FHIT: variants seen among roughly 807,000 people sequenced by gnomAD.
FHIT encodes the protein bis(5'-adenosyl)-triphosphatase.
FHIT carries 19 observed loss-of-function variants against 17.9 expected under a neutral mutation model. That is an observed-to-expected ratio of 1.06 (90% CI 0.74 to 1.56). FHIT has a LOEUF of 1.56. Among genes scored for constraint, FHIT ranks in the 40% most tolerant of loss-of-function variants. The pLI is 0.00. For missense variants in FHIT, 248 were observed against 189.2 expected (o/e 1.31, Z -1.82); for synonymous variants, 81 against 69.7 (o/e 1.16, Z -0.81).
intron 8 of FHIT, among the ~76,000 whole-genome samples, chr3:59,892,266 T>C (rs540632238): frequency 6.6e-6 from 1 of 152,182 alleles, no homozygotes; most frequent in Non-Finnish European, 1.5e-5. Flanking sequence ...AACTGACAAA[T>C]TGCGCTCAGG....
At chr3:60,351,398 G>T (rs373949041) in intron 5 of FHIT, among the ~76,000 whole-genome samples, 15 of 152,182 alleles carry the variant, frequency 9.9e-5, no homozygotes, top group East Asian at 9.6e-4. Context: ...ATAGTGGAAA[G>T]AGAGGTCTGG....
At chr3:59,960,867 C>T (rs995718366) in intron 7 of FHIT, among the ~76,000 whole-genome samples, 1 of 152,092 alleles carries the variant, frequency 6.6e-6, no homozygotes, top group African/African-American at 2.4e-5. Context: ...GAGAGAGGAC[C>T]AATTACTAGT....
intron 8 of FHIT, among the ~76,000 whole-genome samples, chr3:59,817,022 A>C (rs1700622812): frequency 6.6e-6 from 1 of 152,172 alleles, no homozygotes; most frequent in Non-Finnish European, 1.5e-5. Flanking sequence ...GAAGATTCCC[A>C]GGGAGCAGGT....
chr3:61,178,794 A>G (rs2038234553), intron 2 of FHIT, among the ~76,000 whole-genome samples: 1 of 151,966 alleles, frequency 6.6e-6, no homozygotes, highest in East Asian at 1.9e-4. Context: ...TATCTGGTAT[A>G]AATCACTGTC....
At chr3:60,156,409 T>C (rs1022498925) in intron 5 of FHIT, among the ~76,000 whole-genome samples, 7 of 151,344 alleles carry the variant, frequency 4.6e-5, no homozygotes, top group African/African-American at 1.7e-4. Context: ...AAAACTCAGA[T>C]GTTATAGTAG....
chr3:60,144,631 A>G (rs908854229), intron 5 of FHIT, among the ~76,000 whole-genome samples: 2 of 152,144 alleles, frequency 1.3e-5, no homozygotes, highest in South Asian at 2.1e-4. Context: ...ATAATTGTAC[A>G]TAATATTTAC....
intron 5 of FHIT, among the ~76,000 whole-genome samples, chr3:60,217,845 C>T (rs959870268): frequency 3.3e-5 from 5 of 152,276 alleles, no homozygotes; most frequent in Middle Eastern, 3.4e-3. Context: ...AATTACTCTG[C>T]AATCAACTGC....
Position 60,578,694 on chromosome 3 carries a change from A to ATC in FHIT, c.-17-41717_-17-41716dup, listed in dbSNP as rs147400253. Among the ~76,000 whole-genome samples, 488 of 152,274 alleles carry ATC rather than the reference A, an allele frequency of 3.2e-3. 2 individuals are homozygous for ATC. The highest frequency in any genetic ancestry group is 5.1e-3 in the Non-Finnish European group (349 of 68,034). On this transcript the variant is annotated intron_variant, in intron 4 of 9. Coordinates refer to ENST00000492590, the MANE Select transcript of FHIT (RefSeq NM_002012.4). ...AACGTTCACATAAAACAAAATAGCCATCTCTAAGGAGAAAATGGGTATTGC... is the reference window on the plus strand; with the variant it reads ...AACGTTCACATAAAACAAAATAGCCATCTCTCTAAGGAGAAAATGGGTATTGC...
At chr3:60,122,650 G>C (rs1055265014) in intron 5 of FHIT, among the ~76,000 whole-genome samples, 1 of 152,080 alleles carries the variant, frequency 6.6e-6, no homozygotes, top group Non-Finnish European at 1.5e-5. Flanking sequence ...GAGCCTCAGA[G>C]AAAAAAGTAT....
chr3:60,912,760 A>G (rs782080532), intron 3 of FHIT: 3 of 516,904 alleles, frequency 5.8e-6, no homozygotes. Flanking sequence ...CCTTCTCACA[A>G]TTTGCAGAAA....
intron 5 of FHIT, among the ~76,000 whole-genome samples, chr3:60,461,636 C>T (rs445057): frequency 0.31 from 46,981 of 152,044 alleles, 9,803 homozygotes; most frequent in African/African-American, 0.58. Context: ...ATATTTTTGA[C>T]ATTAAAAGGC....
At chr3:61,124,469 T>G (rs1348825642) in intron 2 of FHIT, among the ~76,000 whole-genome samples, 1 of 152,096 alleles carries the variant, frequency 6.6e-6, no homozygotes, top group Non-Finnish European at 1.5e-5. Context: ...TGTTTGTCAG[T>G]TTTCATGGTG....
chr3:60,042,133 T>C (rs73840526), intron 5 of FHIT, among the ~76,000 whole-genome samples: 1,923 of 152,310 alleles, frequency 0.013, 38 homozygotes, highest in African/African-American at 0.044. Context: ...GGCTGGAAGA[T>C]AGCTCTGAGC....
chr3:60,252,632 T>C (rs1705772895), intron 5 of FHIT, among the ~76,000 whole-genome samples: 1 of 151,980 alleles, frequency 6.6e-6, no homozygotes, highest in Non-Finnish European at 1.5e-5. Flanking sequence ...GTAGACACCT[T>C]TATTCCAGCA....
At chr3:60,511,982 G>T (rs111531909) in intron 5 of FHIT, among the ~76,000 whole-genome samples, 2 of 151,788 alleles carry the variant, frequency 1.3e-5, no homozygotes, top group African/African-American at 4.8e-5. Flanking sequence ...ACAAAAAGGG[G>T]CTAAAAAAAT....
At chr3:60,534,050 G>A (rs982746948) in intron 5 of FHIT, among the ~76,000 whole-genome samples, 5 of 152,114 alleles carry the variant, frequency 3.3e-5, no homozygotes, top group Non-Finnish European at 5.9e-5. Context: ...AAATGTTAGT[G>A]GACAGAGCTA....
chr3:60,062,882 G>C lies in FHIT; in HGVS notation c.104-48730C>G, dbSNP rs1040130891. Among the ~76,000 whole-genome samples the C allele has an allele frequency of 5.3e-5, 8 of 152,244 alleles. No individual in the cohort carries two copies. In the South Asian group the frequency reaches 1.7e-3, roughly 32 times the overall value. On this transcript the variant is annotated intron_variant, in intron 5 of 9. Coordinates refer to ENST00000492590, the MANE Select transcript of FHIT (RefSeq NM_002012.4). Reference sequence around the variant, plus strand: ...AGACTGGAGGGAATAGATGTTAATAGCCATAAAGGCCTTGCAGAAAAAGGC... The same window carrying C: ...AGACTGGAGGGAATAGATGTTAATACCCATAAAGGCCTTGCAGAAAAAGGC...
At chr3:60,674,284 T>C (rs2040573453) in intron 4 of FHIT, among the ~76,000 whole-genome samples, 1 of 152,188 alleles carries the variant, frequency 6.6e-6, no homozygotes, top group Admixed American at 6.5e-5. Context: ...TCTCTGAGAT[T>C]TCCCGCCTCT....
intron 4 of FHIT, among the ~76,000 whole-genome samples, chr3:60,741,934 A>G (rs777391766): frequency 4.2e-4 from 64 of 152,324 alleles, no homozygotes; most frequent in Non-Finnish European, 7.6e-4. Flanking sequence ...ATAGATTCCC[A>G]GGCTCCCCTC....
Sources: allele counts gnomAD v4.1 joint callset (sites outside exome capture counted in the v4.1 genomes callset), GRCh38; gene constraint gnomAD v4.1.1; transcripts MANE v1.5; gene names NCBI Gene and HGNC (gene_info 2026-07-23, HGNC 2026-07-21).